The following RDH8 variants were observed in gnomAD, a reference collection of about 807,000 sequenced individuals.
RDH8 encodes photoreceptor outer segment all-trans retinol dehydrogenase.
RDH8 carries 14 observed loss-of-function variants against 22.3 expected under a neutral mutation model. The ratio of observed to expected loss-of-function variants is 0.63; its 90% CI spans 0.42 to 0.98. The LOEUF (loss-of-function observed/expected upper bound fraction) is 0.98. RDH8 is among the 50% of genes least tolerant of loss of function. The pLI is 0.00. For missense variants in RDH8, 389 were observed against 409.8 expected (o/e 0.95, Z 0.44); for synonymous variants, 175 against 171.7 (o/e 1.02, Z -0.15).
At position 10,021,243 on chromosome 19, in the gene RDH8, C is replaced by T. The variant is rs756327126; in HGVS notation, c.537-12C>T. ...GGGCATCAGACTTACACTACCCATG[C>T]CTGGTCGCCAGCATCTCCCTGGTGG... On this transcript the variant is annotated splice_polypyrimidine_tract_variant and intron_variant, in intron 4 of 5. Coordinates refer to ENST00000591589, the MANE Select transcript of RDH8 (RefSeq NM_015725.4). The T allele has an allele frequency of 1.9e-6, 3 of 1,613,798 alleles. No homozygotes were observed. Among genetic ancestry groups the T allele is most frequent in the Non-Finnish European group, 8.5e-7 (1 of 1,179,872 alleles).
chr19:10,019,028 G>A, intron 3 of RDH8, 118 bp downstream of exon 3: 2 of 826,480 alleles, frequency 2.4e-6, no homozygotes, highest in East Asian at 2.8e-5. Context: ...TGGGCACGGT[G>A]ATTCATGCCT....
chr19:10,019,569 C>T (rs527777197), intron 3 of RDH8, among the ~76,000 whole-genome samples: 4 of 152,024 alleles, frequency 2.6e-5, no homozygotes, highest in Non-Finnish European at 4.4e-5. Context: ...GAGGCCGAGG[C>T]AGGTGGATTA....
At chr19:10,020,656 C>A in intron 3 of RDH8, 53 bp from the exon 4 acceptor site, 1 of 1,246,100 alleles carries the variant, frequency 8.0e-7, no homozygotes, top group African/African-American at 1.5e-5. Flanking sequence ...CTGGAACCCA[C>A]AAAGCCCACC....
At chr19:10,020,920 C>T in intron 4 of RDH8, 118 bp downstream of exon 4, 2 of 778,610 alleles carry the variant, frequency 2.6e-6, no homozygotes, top group Non-Finnish European at 4.3e-6. Flanking sequence ...ACCTGTAAGT[C>T]CAGCGTTTTG....
intron 3 of RDH8, among the ~76,000 whole-genome samples, chr19:10,019,384 A>G (rs1835117468): frequency 6.6e-6 from 1 of 152,130 alleles, no homozygotes; most frequent in South Asian, 2.1e-4. Flanking sequence ...AAGTGGCCAG[A>G]CATGGTGACT....
intron 1 of RDH8, among the ~76,000 whole-genome samples, chr19:10,015,816 C>A (rs1256685406): frequency 1.3e-5 from 2 of 151,016 alleles, no homozygotes; most frequent in Non-Finnish European, 3.0e-5. Context: ...TGGTGGCAGG[C>A]ACCTGTACCC....
chr19:10,015,054 C>T (rs2087599954), intron 1 of RDH8, among the ~76,000 whole-genome samples: 1 of 152,192 alleles, frequency 6.6e-6, no homozygotes, highest in Non-Finnish European at 1.5e-5. Flanking sequence ...CAAATGCCCC[C>T]AGGAGTGTTC....
At chr19:10,018,990 A>T in intron 3 of RDH8, 80 bp downstream of exon 3, 1 of 1,232,444 alleles carries the variant, frequency 8.1e-7, no homozygotes, top group Non-Finnish European at 1.1e-6. Flanking sequence ...AATGGGTTTT[A>T]GATCATATTC....
Position 10,013,510 on chromosome 19 carries a change from C to A in RDH8, c.13C>A (p.Pro5Thr), listed in dbSNP as rs749896718. The change falls in exon 1 of 6, where the codon CCC (proline) becomes ACC (threonine). Residue 5 changes from proline (P) to threonine (T), a missense_variant. By Grantham distance (38) the Pro-to-Thr change is conservative. Coordinates refer to ENST00000591589, the MANE Select transcript of RDH8 (RefSeq NM_015725.4). ...GGAGGGGATCAACATGGCCGCTGCACCCCGGACTGTGTTGATCTCCGGCTG... is the reference window on the plus strand; with the variant it reads ...GGAGGGGATCAACATGGCCGCTGCAACCCGGACTGTGTTGATCTCCGGCTG... MAAA[P>T]RTVLISGCSS... 3.1e-6 allele frequency: 5 copies of A among 1,613,264 alleles called. No homozygotes were observed. In the African/African-American group the frequency reaches 5.3e-5, roughly 17 times the overall value.
chr19:10,021,458 C>T lies in RDH8; in HGVS notation c.720+20C>T, dbSNP rs1222548378. 4.3e-6 allele frequency: 7 copies of T among 1,614,014 alleles called. No homozygotes were observed. The highest frequency in any genetic ancestry group is 5.9e-6 in the Non-Finnish European group (7 of 1,179,914). On this transcript the variant is annotated intron_variant, in intron 5 of 5. Transcript: ENST00000591589. ...GTTCAGGTGAGTGAAGGGCCCAGAG[C>T]CCCAAGACGTGGCTCAGGTATGTTG...
At position 10,021,731 on chromosome 19, in the gene RDH8, G is replaced by A. The variant is rs765541809; in HGVS notation, c.918G>A (p.Thr306=). The change falls in exon 6 of 6, where the codon ACG becomes ACA. Residue 306 remains threonine (T), a synonymous_variant. Coordinates refer to ENST00000591589, the MANE Select transcript of RDH8 (RefSeq NM_015725.4). ...LQCLSCGCLP[T]RVRPR ...GTCTGTCCTGCGGCTGCCTCCCAACGCGGGTGCGGCCAAGATGAGCAGAAC... is the reference window on the plus strand; with the variant it reads ...GTCTGTCCTGCGGCTGCCTCCCAACACGGGTGCGGCCAAGATGAGCAGAAC... 7 of 1,613,532 alleles carry A rather than the reference G, an allele frequency of 4.3e-6. No homozygotes were observed. The highest frequency in any genetic ancestry group is 1.1e-5 in the South Asian group (1 of 91,080).
chr19:10,017,247 C>A (rs774987660), intron 2 of RDH8, 32 bp downstream of exon 2: 115 of 1,545,352 alleles, frequency 7.4e-5, no homozygotes, highest in Non-Finnish European at 9.7e-5. Flanking sequence ...TTCACTAAGC[C>A]CCATCCTGGT....
At chr19:10,017,973 T>C (rs891869643) in intron 2 of RDH8, among the ~76,000 whole-genome samples, 5 of 149,528 alleles carry the variant, frequency 3.3e-5, no homozygotes, top group Non-Finnish European at 5.9e-5. Context: ...GAGATGGAAT[T>C]TCACTCTTGT....
intron 1 of RDH8, among the ~76,000 whole-genome samples, chr19:10,013,848 G>A (rs2087588590): frequency 6.6e-6 from 1 of 152,158 alleles, no homozygotes; most frequent in Non-Finnish European, 1.5e-5. Flanking sequence ...GTGGGGAGGA[G>A]AGGGAGAATG....
chr19:10,014,157 C>A (rs970668409), intron 1 of RDH8, among the ~76,000 whole-genome samples: 2 of 152,178 alleles, frequency 1.3e-5, no homozygotes, highest in South Asian at 4.1e-4. Flanking sequence ...ATCCCTGGGA[C>A]CTGCATCCTA....
At chr19:10,015,873 AC>A in intron 1 of RDH8, among the ~76,000 whole-genome samples, 1 of 151,532 alleles carries the variant, frequency 6.6e-6, no homozygotes, top group Non-Finnish European at 1.5e-5. Context: ...AATTGCTTGA[AC>A]CCAGGAGGTG....
intron 2 of RDH8, 69 bp downstream of exon 2, chr19:10,017,284 G>C: frequency 7.1e-7 from 1 of 1,409,574 alleles, no homozygotes. Context: ...AATATGGCAA[G>C]GTCTGAGCAC....
rs919822665 is a variant in RDH8, at chr19:10,021,695, T to C, written c.882T>C (p.Leu294=). ...TCCGCTGTCCACGCCTCCTCAACCT[T>C]GGCCTTCAATGTCTGTCCTGCGGCT... ...LLFRCPRLLN[L]GLQCLSCGCL... The change falls in exon 6 of 6, where the codon CTT becomes CTC. Residue 294 remains leucine (L), a synonymous_variant. Transcript: ENST00000591589. The C allele has an allele frequency of 8.1e-6, 13 of 1,613,966 alleles. No individual in the cohort carries two copies. The African/African-American group carries it at 1.7e-4, about 22-fold the overall frequency.
chr19:10,018,955 T>A (rs766758668), intron 3 of RDH8, 45 bp downstream of exon 3: 6 of 1,514,042 alleles, frequency 4.0e-6, no homozygotes, highest in Non-Finnish European at 3.6e-6. Context: ...CAGTGTCTGA[T>A]CCTCCCCAGA....
Sources: allele counts gnomAD v4.1 joint callset (sites outside exome capture counted in the v4.1 genomes callset), GRCh38; gene constraint gnomAD v4.1.1; transcripts MANE v1.5; gene names NCBI Gene and HGNC (gene_info 2026-07-23, HGNC 2026-07-21).